Variants in GALNT17 observed in about 807,000 individuals in gnomAD.
GALNT17 encodes polypeptide N-acetylgalactosaminyltransferase 17.
Under a neutral mutation model 63.7 loss-of-function variants are expected in GALNT17, and 29 were observed. That is an observed-to-expected ratio of 0.46 (90% confidence interval 0.34 to 0.62). The LOEUF (loss-of-function observed/expected upper bound fraction) is 0.62. GALNT17 is among the 20% of genes least tolerant of loss of function. The probability of loss-of-function intolerance (pLI) is 0.01; values close to 1 mark genes in which losing one functional copy is unlikely to be tolerated. For missense variants in GALNT17, 603 were observed against 799.6 expected, an observed-to-expected ratio of 0.75 and a Z score of 2.97; for synonymous variants, 305 against 318.3, an observed-to-expected ratio of 0.96 and a Z score of 0.45.
intron 2 of GALNT17, among the ~76,000 whole-genome samples, chr7:71,366,735 T>G (rs752740468): frequency 1.3e-5 from 2 of 152,218 alleles, no homozygotes; most frequent in Non-Finnish European, 1.5e-5. Context: ...TCTTGAAAGA[T>G]TCTGCCGACT....
Position 71,289,205 on chromosome 7 carries a change from C to CTT in GALNT17, c.239-46329_239-46328dup, listed in dbSNP as rs35418833. Among the ~76,000 whole-genome samples, 15 of 117,898 alleles carry CTT rather than the reference C, an allele frequency of 1.3e-4. No homozygotes were observed. The East Asian group carries it at 2.0e-3, about 16-fold the overall frequency. 77.3% of individuals were successfully genotyped at this position (117,898 alleles called of 152,430 possible). A position where few individuals can be genotyped will look rare whatever the true frequency, so the allele number is the denominator to read the frequency against. On this transcript the variant is annotated intron_variant, in intron 1 of 10. Transcript: ENST00000333538. Reference sequence around the variant, plus strand: ...CTGTGCAGGCATCATCTGACCACGTCTTTTTTTTTTTTTTTTTGCAATCCT... The same window carrying CTT: ...CTGTGCAGGCATCATCTGACCACGTCTTTTTTTTTTTTTTTTTTTGCAATCCT...
chr7:71,323,131 G>A (rs1791646154), intron 1 of GALNT17, among the ~76,000 whole-genome samples: 4 of 152,150 alleles, frequency 2.6e-5, no homozygotes, highest in African/African-American at 9.7e-5. Flanking sequence ...ATAATGTCTT[G>A]TAATATTTGA....
At chr7:71,615,252 A>G (rs1050870488) in intron 6 of GALNT17, among the ~76,000 whole-genome samples, 4 of 152,128 alleles carry the variant, frequency 2.6e-5, no homozygotes, top group Non-Finnish European at 5.9e-5. Flanking sequence ...CAGTGGCTCA[A>G]TTGGGACTTT....
intron 1 of GALNT17, among the ~76,000 whole-genome samples, chr7:71,303,875 A>G (rs894999653): frequency 6.6e-6 from 1 of 152,192 alleles, no homozygotes; most frequent in Non-Finnish European, 1.5e-5. Context: ...CAGGATCCAA[A>G]TAATAGCTAA....
intron 6 of GALNT17, among the ~76,000 whole-genome samples, chr7:71,633,409 G>A (rs577792824): frequency 6.6e-6 from 1 of 152,300 alleles, no homozygotes; most frequent in South Asian, 2.1e-4. Context: ...TTTGTCCTGG[G>A]GGCCGGGATA....
intron 8 of GALNT17, among the ~76,000 whole-genome samples, chr7:71,674,040 G>A (rs932130404): frequency 6.6e-6 from 1 of 152,286 alleles, no homozygotes; most frequent in African/African-American, 2.4e-5. Context: ...GTGGCATTGG[G>A]GGTGACATTG....
chr7:71,378,753 G>A (rs560730757), intron 2 of GALNT17, among the ~76,000 whole-genome samples: 1 of 151,998 alleles, frequency 6.6e-6, no homozygotes, highest in East Asian at 1.9e-4. Context: ...GAAGGTGTAC[G>A]AGGAAGAATT....
chr7:71,301,219 C>T (rs905580249), intron 1 of GALNT17, among the ~76,000 whole-genome samples: 3 of 151,622 alleles, frequency 2.0e-5, no homozygotes, highest in East Asian at 1.9e-4. Flanking sequence ...CCGAGGAGTT[C>T]GAGGCTGCAG....
At chr7:71,428,706 G>A (rs1277088348) in intron 5 of GALNT17, among the ~76,000 whole-genome samples, 1 of 152,094 alleles carries the variant, frequency 6.6e-6, no homozygotes, top group Non-Finnish European at 1.5e-5. Flanking sequence ...CAAAGTGCTG[G>A]GATTACAGGC....
intron 5 of GALNT17, among the ~76,000 whole-genome samples, chr7:71,522,035 G>A (rs1788538987): frequency 6.6e-6 from 1 of 152,076 alleles, no homozygotes; most frequent in African/African-American, 2.4e-5. Context: ...CAAGGTCATT[G>A]AGCTAATTAG....
chr7:71,566,940 C>T (rs7784388), intron 5 of GALNT17, among the ~76,000 whole-genome samples: 17,746 of 152,072 alleles, frequency 0.12, 1,599 homozygotes, highest in African/African-American at 0.25. Flanking sequence ...GCTCAATCAT[C>T]CGTGTGCATG....
At chr7:71,427,233 C>T (rs949642191) in intron 5 of GALNT17, among the ~76,000 whole-genome samples, 1 of 151,348 alleles carries the variant, frequency 6.6e-6, no homozygotes, top group Non-Finnish European at 1.5e-5. Context: ...GTGCGTGCCT[C>T]CACACCTGGC....
chr7:71,252,280 A>G (rs918357063), intron 1 of GALNT17, among the ~76,000 whole-genome samples: 4 of 151,264 alleles, frequency 2.6e-5, no homozygotes, highest in Admixed American at 1.3e-4. Flanking sequence ...TAATCCCAGC[A>G]CTTTGTGAGG....
intron 1 of GALNT17, among the ~76,000 whole-genome samples, chr7:71,173,544 A>G (rs1342459567): frequency 6.6e-6 from 1 of 152,188 alleles, no homozygotes; most frequent in African/African-American, 2.4e-5. Context: ...AGGCTGAGGC[A>G]GGCAGATCAT....
At chr7:71,479,801 C>G (rs551423277) in intron 5 of GALNT17, among the ~76,000 whole-genome samples, 1 of 152,236 alleles carries the variant, frequency 6.6e-6, no homozygotes, top group African/African-American at 2.4e-5. Flanking sequence ...TATTCTCAGG[C>G]AATGGGTCCA....
rs577075381 is a variant in GALNT17 at position 71,534,814 on chromosome 7, C to A, written c.963-36471C>A. 2.6e-5 allele frequency among the ~76,000 whole-genome samples: 4 copies of A among 152,088 alleles called. 1 individual carries two copies. The South Asian group carries it at 8.3e-4, about 32-fold the overall frequency. On this transcript the variant is annotated intron_variant, in intron 5 of 10. Coordinates refer to ENST00000333538, the MANE Select transcript of GALNT17 (RefSeq NM_022479.3). The stretch of plus-strand genomic sequence containing the variant: ...TTAAGCTTCAGTTCTATGCAAAAAT[C>A]GGGCCAATTTTACATGCATCTTAAC...
intron 5 of GALNT17, among the ~76,000 whole-genome samples, chr7:71,457,446 G>A (rs1200235691): frequency 6.6e-6 from 1 of 152,210 alleles, no homozygotes; most frequent in Non-Finnish European, 1.5e-5. Flanking sequence ...TTCAGGACAA[G>A]TCCGTAGAGT....
At chr7:71,258,304 C>CTAAG (rs1459283420) in intron 1 of GALNT17, among the ~76,000 whole-genome samples, 1 of 152,220 alleles carries the variant, frequency 6.6e-6, no homozygotes, top group Non-Finnish European at 1.5e-5. Flanking sequence ...TCAGTATTCC[C>CTAAG]TAAGTGCAAT....
intron 5 of GALNT17, among the ~76,000 whole-genome samples, chr7:71,427,798 C>T (rs141346596): frequency 2.0e-5 from 3 of 152,160 alleles, no homozygotes; most frequent in African/African-American, 7.2e-5. Context: ...CACATTCCCT[C>T]CTGAGCTCGG....
Sources: allele counts gnomAD v4.1 joint callset (sites outside exome capture counted in the v4.1 genomes callset), GRCh38; gene constraint gnomAD v4.1.1; transcripts MANE v1.5; gene names NCBI Gene and HGNC (gene_info 2026-07-23, HGNC 2026-07-21).